TNR: variants seen among roughly 807,000 people sequenced by gnomAD.
TNR encodes tenascin R, also known as tenascin-R.
A neutral mutation model predicts 150.4 loss-of-function variants in TNR; 45 were observed. That is an observed-to-expected ratio of 0.30 (90% CI 0.24 to 0.38). The LOEUF is 0.38. Ranked by LOEUF, TNR falls within the 10% of genes least tolerant of loss-of-function variation. The pLI, the probability that TNR is intolerant of heterozygous loss-of-function variation, is 1.00. For missense variants in TNR, 1,544 were observed against 1,759.1 expected, an observed-to-expected ratio of 0.88 and a Z score of 2.19; for synonymous variants, 687 against 678.4, an observed-to-expected ratio of 1.01 and a Z score of -0.20.
At chr1:175,644,799 G>C (rs1009800606) in intron 1 of TNR, among the ~76,000 whole-genome samples, 1 of 152,222 alleles carries the variant, frequency 6.6e-6, no homozygotes, top group Non-Finnish European at 1.5e-5. Flanking sequence ...GTGGCATGCT[G>C]GGAGTTCCTA....
intron 2 of TNR, among the ~76,000 whole-genome samples, chr1:175,522,203 TAGA>T (rs1659665993): frequency 6.6e-6 from 1 of 152,222 alleles, no homozygotes; most frequent in African/African-American, 2.4e-5. Flanking sequence ...CATGTGGGCT[TAGA>T]AGATTTCTGA....
chr1:175,426,406 C>A (rs534953726), intron 2 of TNR, among the ~76,000 whole-genome samples: 1 of 152,254 alleles, frequency 6.6e-6, no homozygotes, highest in East Asian at 1.9e-4. Flanking sequence ...CCCATGCCAG[C>A]CTCTGCACTC....
At chr1:175,560,040 G>A (rs931366012) in intron 1 of TNR, among the ~76,000 whole-genome samples, 1 of 152,324 alleles carries the variant, frequency 6.6e-6, no homozygotes, top group East Asian at 1.9e-4. Flanking sequence ...TGTTTTATCA[G>A]TCTTATACCT....
intron 1 of TNR, among the ~76,000 whole-genome samples, chr1:175,595,515 C>T (rs76212335): frequency 2.4e-4 from 37 of 152,296 alleles, no homozygotes; most frequent in East Asian, 2.3e-3. Flanking sequence ...TTGGATTCTT[C>T]GAAGCCATGA....
chr1:175,509,140 G>T (rs1481576926), intron 2 of TNR, among the ~76,000 whole-genome samples: 1 of 152,168 alleles, frequency 6.6e-6, no homozygotes, highest in Non-Finnish European at 1.5e-5. Flanking sequence ...CCATTATTTT[G>T]CTGGGGCAGT....
At chr1:175,535,515 C>T (rs1660242459) in intron 1 of TNR, among the ~76,000 whole-genome samples, 1 of 151,916 alleles carries the variant, frequency 6.6e-6, no homozygotes, top group African/African-American at 2.4e-5. Flanking sequence ...GGCTGGAGTG[C>T]AGTGGCGCGA....
rs1658370627 is a variant in TNR at position 175,494,062 on chromosome 1, C to G, written c.-64+34207G>C. ...CTCTGACTCTATCCTGCATCCCGTTCCCATCTCTCTGGTCTGTGCCTCCTT... is the reference window on the plus strand; with the variant it reads ...CTCTGACTCTATCCTGCATCCCGTTGCCATCTCTCTGGTCTGTGCCTCCTT... On this transcript the variant is annotated intron_variant, in intron 2 of 22. Transcript: ENST00000367674. Among the ~76,000 whole-genome samples the G allele has an allele frequency of 2.6e-5, 4 of 152,296 alleles. No individual in the cohort carries two copies. In the South Asian group the frequency reaches 8.3e-4, roughly 32 times the overall value.
chr1:175,557,000 G>A (rs1661186363), intron 1 of TNR, among the ~76,000 whole-genome samples: 1 of 152,172 alleles, frequency 6.6e-6, no homozygotes, highest in African/African-American at 2.4e-5. Context: ...AAGCAAGAAG[G>A]CACATTGGAA....
chr1:175,393,676 GGAGA>G, intron 6 of TNR, 100 bp downstream of exon 6: 1 of 889,842 alleles, frequency 1.1e-6, no homozygotes, highest in Non-Finnish European at 1.9e-6. Context: ...TTAATGGCAT[GGAGA>G]GAGATATTGG....
chr1:175,386,982 C>T (rs1354579816), intron 7 of TNR, among the ~76,000 whole-genome samples: 2 of 152,212 alleles, frequency 1.3e-5, no homozygotes, highest in East Asian at 3.8e-4. Flanking sequence ...CATATTTCTA[C>T]AGCAGAAGGA....
At chr1:175,484,417 A>G (rs1412323393) in intron 2 of TNR, among the ~76,000 whole-genome samples, 2 of 151,002 alleles carry the variant, frequency 1.3e-5, no homozygotes, top group African/African-American at 2.4e-5. Context: ...TGGCTTTCTT[A>G]TTTACTAAAT....
At chr1:175,406,046 G>A (rs1181171813) in intron 3 of TNR, among the ~76,000 whole-genome samples, 170 bp downstream of exon 3, 1 of 152,224 alleles carries the variant, frequency 6.6e-6, no homozygotes, top group African/African-American at 2.4e-5. Flanking sequence ...ATATTAACCG[G>A]CAGCTACAGA....
chr1:175,646,176 C>T lies in TNR; in HGVS notation c.-165+97050G>A, dbSNP rs537254942. On this transcript the variant is annotated intron_variant, in intron 1 of 22. Transcript: ENST00000367674. ...TTCTTCCTTATCCTTCTACTTAGAT[C>T]TCTACAAACTTCCCATCCTATGGCC... 7.9e-4 allele frequency among the ~76,000 whole-genome samples: 121 copies of T among 152,320 alleles called. 1 individual carries two copies. The highest frequency in any genetic ancestry group is 2.7e-3 in the African/African-American group (114 of 41,572).
chr1:175,476,023 G>A (rs1283181040), intron 2 of TNR, among the ~76,000 whole-genome samples: 1 of 152,204 alleles, frequency 6.6e-6, no homozygotes, highest in Non-Finnish European at 1.5e-5. Flanking sequence ...TGAACAGGAA[G>A]AGCAAACGCA....
intron 1 of TNR, among the ~76,000 whole-genome samples, chr1:175,557,408 A>T (rs6676780): frequency 6.6e-6 from 1 of 152,038 alleles, no homozygotes; most frequent in Non-Finnish European, 1.5e-5. Flanking sequence ...ATGGCTATTC[A>T]GTTTCAAAGA....
intron 20 of TNR, among the ~76,000 whole-genome samples, chr1:175,331,054 T>TTC (rs1649790692): frequency 9.5e-6 from 1 of 105,728 alleles, no homozygotes; most frequent in Non-Finnish European, 2.0e-5. Flanking sequence ...TCTTTCTTTC[T>TTC]TTCTTTCTTT....
Position 175,579,501 on chromosome 1 carries a change from T to A in TNR, c.-164-51132A>T, listed in dbSNP as rs141650588. ...GAAAATGAAGGGCACATTTGGGCAA[T>A]GGCGATTAGACCAATGTGGTGGGAG... On this transcript the variant is annotated intron_variant, in intron 1 of 22. Coordinates refer to ENST00000367674, the MANE Select transcript of TNR (RefSeq NM_003285.3). 1.5e-3 allele frequency among the ~76,000 whole-genome samples: 230 copies of A among 151,824 alleles called. 3 individuals carry two copies. The highest frequency in any genetic ancestry group is 5.3e-3 in the African/African-American group (219 of 41,376).
chr1:175,329,633 T>C (rs1332776895), intron 21 of TNR, among the ~76,000 whole-genome samples: 1 of 152,204 alleles, frequency 6.6e-6, no homozygotes, highest in Non-Finnish European at 1.5e-5. Context: ...CAAAGATGGT[T>C]TTCCTGGATG....
intron 1 of TNR, among the ~76,000 whole-genome samples, chr1:175,665,364 G>C (rs1653545157): frequency 6.6e-6 from 1 of 152,182 alleles, no homozygotes; most frequent in Admixed American, 6.5e-5. Context: ...TCCCCGACTG[G>C]CTTCCAGGTG....
Sources: gnomAD v4.1 joint callset for allele counts (sites outside exome capture counted in the v4.1 genomes callset) on GRCh38, gnomAD v4.1.1 for gene constraint, MANE v1.5 for transcripts, NCBI Gene and HGNC (gene_info 2026-07-23, HGNC 2026-07-21) for gene names.